The following PRELID2 variants were observed in gnomAD, a reference collection of about 807,000 sequenced individuals.
PRELID2 encodes the protein PRELI domain containing 2, also known as PRELI domain-containing protein 2.
Under a neutral mutation model 28.4 loss-of-function variants are expected in PRELID2, and 25 were observed. That is an observed-to-expected ratio of 0.88 (90% confidence interval 0.64 to 1.23). The LOEUF (loss-of-function observed/expected upper bound fraction) is 1.23, where lower values mean the gene tolerates loss of function less well. Among genes scored for constraint, PRELID2 ranks in the 50% most tolerant of loss-of-function variants. The pLI is 0.00. For missense variants in PRELID2, 201 were observed against 214.4 expected (o/e 0.94, Z 0.39); for synonymous variants, 76 against 71.6 (o/e 1.06, Z -0.31).
intron 4 of PRELID2, among the ~76,000 whole-genome samples, chr5:145,803,296 C>T (rs897618044): frequency 6.6e-6 from 1 of 152,128 alleles, no homozygotes; most frequent in Non-Finnish European, 1.5e-5. Context: ...TGTCTGAACC[C>T]ATTTACATAA....
At chr5:145,777,441 T>A (rs1333356386) in intron 5 of PRELID2, among the ~76,000 whole-genome samples, 3 of 152,168 alleles carry the variant, frequency 2.0e-5, no homozygotes, top group African/African-American at 7.2e-5. Flanking sequence ...AGTCCCACTG[T>A]CTAGTTTAAA....
At chr5:145,817,220 A>AATATATATATATATAT (rs1188735131) in intron 4 of PRELID2, among the ~76,000 whole-genome samples, 3 of 66,506 alleles carry the variant, frequency 4.5e-5, no homozygotes, top group South Asian at 1.1e-3. Context: ...AATAAAAAAA[A>AATATATATATATATAT]ATATATATAT....
intron 4 of PRELID2, among the ~76,000 whole-genome samples, chr5:145,809,728 G>C (rs143174761): frequency 1.1e-4 from 16 of 152,212 alleles, no homozygotes; most frequent in Non-Finnish European, 1.8e-4. Context: ...GGAAAAACCC[G>C]GTTTGACAAC....
the PRELID2 span, among the ~76,000 whole-genome samples, chr5:145,408,291 A>G: frequency 6.6e-6 from 1 of 151,724 alleles, no homozygotes; most frequent in Non-Finnish European, 1.5e-5. Context: ...AATGGATACA[A>G]ACTAAGAAGA....
At chr5:145,427,058 G>A in the PRELID2 span, among the ~76,000 whole-genome samples, 1 of 152,140 alleles carries the variant, frequency 6.6e-6, no homozygotes, top group Non-Finnish European at 1.5e-5. Context: ...ACCTACTTTA[G>A]AATCAATTTT....
intron 5 of PRELID2, among the ~76,000 whole-genome samples, chr5:145,786,951 G>A (rs148350006): frequency 7.9e-5 from 12 of 152,264 alleles, no homozygotes; most frequent in African/African-American, 2.9e-4. Context: ...TGTTCAAATT[G>A]TTTGACTTGC....
the PRELID2 span, chr5:145,337,951 T>G: frequency 6.6e-6 from 1 of 151,972 alleles, no homozygotes; most frequent in Non-Finnish European, 1.5e-5. Flanking sequence ...ACACTTTAGA[T>G]TTATTTAATT....
intron 1 of PRELID2, among the ~76,000 whole-genome samples, chr5:145,679,634 ATAAT>A (rs1209161655): frequency 1.4e-4 from 22 of 152,078 alleles, no homozygotes; most frequent in Non-Finnish European, 3.2e-4. Flanking sequence ...CTTAAATAAA[ATAAT>A]TAATTATCCT....
At chr5:145,716,405 A>G (rs1755844670) in intron 1 of PRELID2, among the ~76,000 whole-genome samples, 1 of 152,164 alleles carries the variant, frequency 6.6e-6, no homozygotes, top group African/African-American at 2.4e-5. Context: ...ATGTCTTGAC[A>G]CTTCTATATC....
At chr5:145,329,962 C>T in the PRELID2 span, among the ~76,000 whole-genome samples, 3 of 152,112 alleles carry the variant, frequency 2.0e-5, no homozygotes, top group South Asian at 2.1e-4. Flanking sequence ...CCATCAATAC[C>T]TAGTTTATTG....
intron 1 of PRELID2, among the ~76,000 whole-genome samples, chr5:145,686,263 G>A (rs964431602): frequency 2.6e-5 from 4 of 152,122 alleles, no homozygotes; most frequent in Non-Finnish European, 4.4e-5. Flanking sequence ...CCACATCTGA[G>A]TTATTCATTT....
In PRELID2 at chr5:145,650,519, C is replaced by T. The variant is rs1048574416; in HGVS notation, n.70+114412G>A. 7.2e-5 allele frequency among the ~76,000 whole-genome samples: 8 copies of T among 111,774 alleles called. 1 individual carries two copies. Among genetic ancestry groups the T allele is most frequent in the South Asian group, 3.1e-4 (1 of 3,216 alleles). 73.3% of individuals were successfully genotyped at this position (111,774 alleles called of 152,430 possible). A position where few individuals can be genotyped will look rare whatever the true frequency, so the allele number is the denominator to read the frequency against. ...AAGGTGAATTTTGAGCATATCGAAT[C>T]GCACATATATACATATATATATATA... On this transcript the variant is annotated intron_variant and non_coding_transcript_variant, in intron 1 of 2. Coordinates refer to the PRELID2 transcript ENST00000510259.
chr5:145,345,409 T>C, the PRELID2 span, among the ~76,000 whole-genome samples: 3 of 151,980 alleles, frequency 2.0e-5, no homozygotes, highest in Non-Finnish European at 4.4e-5. Context: ...TCACCTATAA[T>C]TGGAATCAAA....
intron 5 of PRELID2, among the ~76,000 whole-genome samples, chr5:145,782,659 TCTG>T (rs1453560902): frequency 6.6e-6 from 1 of 152,250 alleles, no homozygotes; most frequent in East Asian, 1.9e-4. Context: ...TACCATGGCT[TCTG>T]CTAATTAGCA....
chr5:145,253,982 A>T, the PRELID2 span, among the ~76,000 whole-genome samples: 6 of 152,118 alleles, frequency 3.9e-5, no homozygotes, highest in Non-Finnish European at 5.9e-5. Context: ...GAGGTATCTC[A>T]TATGATTATT....
chr5:145,260,350 G>T, the PRELID2 span, among the ~76,000 whole-genome samples: 1 of 151,096 alleles, frequency 6.6e-6, no homozygotes, highest in Non-Finnish European at 1.5e-5. Flanking sequence ...ACTAAAGACA[G>T]AAAAAAAAAT....
chr5:145,474,350 A>G (rs1752080887), intron 1 of PRELID2, among the ~76,000 whole-genome samples: 1 of 152,212 alleles, frequency 6.6e-6, no homozygotes, highest in South Asian at 2.1e-4. Context: ...ATAAAACTAG[A>G]AAAGACAAAG....
chr5:145,730,697 A>C (rs1040085264), intron 1 of PRELID2, among the ~76,000 whole-genome samples: 2 of 152,228 alleles, frequency 1.3e-5, no homozygotes, highest in African/African-American at 4.8e-5. Context: ...TAATAAAAAA[A>C]AAACTGCCTA....
chr5:145,404,091 G>A, the PRELID2 span, among the ~76,000 whole-genome samples: 11 of 152,310 alleles, frequency 7.2e-5, no homozygotes, highest in East Asian at 2.1e-3. Context: ...CGGCACCTGT[G>A]ACTTCTATGA....
Sources: gnomAD v4.1 joint callset for allele counts (sites outside exome capture counted in the v4.1 genomes callset) on GRCh38, gnomAD v4.1.1 for gene constraint, MANE v1.5 for transcripts, NCBI Gene and HGNC (gene_info 2026-07-23, HGNC 2026-07-21) for gene names.